Variants in TM6SF2 observed in about 807,000 individuals in gnomAD.
TM6SF2 encodes transmembrane 6 superfamily member 2.
A neutral mutation model predicts 41.0 loss-of-function variants in TM6SF2; 29 were observed. The observed-to-expected ratio is 0.71, with a 90% confidence interval of 0.53 to 0.96. The LOEUF is 0.96. TM6SF2 is among the 50% of genes least tolerant of loss of function. The pLI, the probability that TM6SF2 is intolerant of heterozygous loss-of-function variation, is 0.00. For synonymous variants in TM6SF2, 200 were observed against 209.1 expected, an observed-to-expected ratio of 0.96 and a Z score of 0.37; for missense variants, 475 against 499.0, an observed-to-expected ratio of 0.95 and a Z score of 0.46.
At chr19:19,273,093 G>T in intron 1 of TM6SF2, 28 bp downstream of exon 1, 1 of 362,550 alleles carries the variant, frequency 2.8e-6, no homozygotes, top group Non-Finnish European at 4.0e-6. Context: ...CTGTCCCCAA[G>T]GCCGCCCTGG....
intron 1 of TM6SF2, 114 bp downstream of exon 1, chr19:19,273,007 C>G (rs2061029867): frequency 1.2e-6 from 1 of 844,388 alleles, no homozygotes; most frequent in African/African-American, 1.8e-5. Flanking sequence ...GCGCAGGGCT[C>G]GCAGAAGCCA....
At chr19:19,267,747 C>T (rs777369177) in intron 7 of TM6SF2, 34 bp from the exon 8 acceptor site, 5 of 1,596,194 alleles carry the variant, frequency 3.1e-6, no homozygotes, top group Non-Finnish European at 4.3e-6. Flanking sequence ...AACCCTCAGA[C>T]ATACCTCCCA....
chr19:19,264,863 G>A lies in TM6SF2; in HGVS notation c.935C>T (p.Ser312Leu), dbSNP rs745753117. Residue 312 changes from serine to leucine, a missense_variant, in exon 10 of 10, where the codon TCG becomes TTG. Ser to Leu is a moderately radical substitution (Grantham distance 145, BLOSUM62 -2). This residue lies in a region of TM6SF2 where 190 missense variants were observed against 190.2 expected (regional missense o/e 1.00). Coordinates refer to ENST00000389363, the MANE Select transcript of TM6SF2 (RefSeq NM_001001524.3). ...CAGGTGCATGGAAGCCCCCATGTGC[G>A]AGAACTGTGCCTGGTAGCCAGACAG... ...FAGGIGQAQF[S>L]HMGASMHLRT... 13 of 1,567,270 alleles carry A rather than the reference G, an allele frequency of 8.3e-6. No homozygotes were observed. The highest frequency in any genetic ancestry group is 1.4e-5 in the African/African-American group (1 of 72,582).
At chr19:19,270,311 G>A in intron 3 of TM6SF2, 34 bp downstream of exon 3, 1 of 1,614,148 alleles carries the variant, frequency 6.2e-7, no homozygotes, top group Non-Finnish European at 8.5e-7. Context: ...GACGGGCAGT[G>A]CGGTAGGGGG....
chr19:19,268,184 CT>C (rs1172849541), intron 6 of TM6SF2, 97 bp from the exon 7 acceptor site: 15 of 711,488 alleles, frequency 2.1e-5, no homozygotes, highest in Non-Finnish European at 3.1e-5. Flanking sequence ...TCCCTTCTTT[CT>C]TTTTTTCTTT....
At chr19:19,266,328 G>T (rs2061002817) in intron 9 of TM6SF2, among the ~76,000 whole-genome samples, 162 bp downstream of exon 9, 1 of 152,090 alleles carries the variant, frequency 6.6e-6, no homozygotes, top group Non-Finnish European at 1.5e-5. Context: ...TCTGTATCTG[G>T]CTTTGTCTCC....
intron 4 of TM6SF2, 140 bp from the exon 5 acceptor site, chr19:19,269,909 T>G: frequency 6.5e-7 from 1 of 1,535,384 alleles, no homozygotes; most frequent in South Asian, 1.3e-5. Context: ...CAACAGGGAG[T>G]TGAACGGGGA....
At position 19,268,672 on chromosome 19, in the gene TM6SF2, G is replaced by C. The variant is rs773047703; in HGVS notation, c.567C>G (p.Val189=). ...GGGTTAGCGCCCGGGGCTGGCTGAAGACCTTCATGCCAGCCCAGCATGGCA... is the reference window on the plus strand; with the variant it reads ...GGGTTAGCGCCCGGGGCTGGCTGAACACCTTCATGCCAGCCCAGCATGGCA... The part of the protein sequence containing the change: ...LLVPCWAGMK[V]FSQPRALTRC... Residue 189 remains valine, a synonymous_variant, in exon 6 of 10, where the codon GTC becomes GTG. Transcript: ENST00000389363. 29 of 1,589,674 alleles carry C rather than the reference G, an allele frequency of 1.8e-5. 1 individual carries two copies. In the East Asian group the frequency reaches 3.0e-4, roughly 16 times the overall value.
intron 8 of TM6SF2, among the ~76,000 whole-genome samples, chr19:19,267,367 TAA>T (rs764335067): frequency 0.21 from 24,362 of 116,604 alleles, 2,478 homozygotes; most frequent in Middle Eastern, 0.34. Flanking sequence ...AAACTCTGTT[TAA>T]AAAAAAAAAA....
intron 6 of TM6SF2, 115 bp from the exon 7 acceptor site, chr19:19,268,202 T>A: frequency 1.4e-6 from 1 of 704,918 alleles, no homozygotes; most frequent in Non-Finnish European, 2.3e-6. Flanking sequence ...CTTTTTTTTC[T>A]TTTTTCTTTT....
intron 6 of TM6SF2, 76 bp downstream of exon 6, chr19:19,268,554 T>G: frequency 6.7e-7 from 1 of 1,494,232 alleles, no homozygotes; most frequent in Non-Finnish European, 8.9e-7. Flanking sequence ...AGAAATTAAG[T>G]CTTTGACCAA....
intron 9 of TM6SF2, 62 bp downstream of exon 9, chr19:19,266,428 A>T: frequency 6.2e-7 from 1 of 1,600,730 alleles, no homozygotes. Flanking sequence ...CACCAAAGGC[A>T]TTGATGAGTA....
At chr19:19,270,058 G>C (rs761122285) in intron 4 of TM6SF2, 115 bp downstream of exon 4, 2 of 1,549,262 alleles carry the variant, frequency 1.3e-6, no homozygotes, top group Admixed American at 3.9e-5. Flanking sequence ...GAGCCCTAGA[G>C]AGGCGTCCTG....
chr19:19,265,403 T>TATCTATCTATCTATCC (rs1196058953), intron 9 of TM6SF2, among the ~76,000 whole-genome samples: 1 of 130,076 alleles, frequency 7.7e-6, no homozygotes, highest in Non-Finnish European at 1.6e-5. Context: ...TCTATCTATC[T>TATCTATCTATCTATCC]ATCCATCCAT....
At position 19,268,732 on chromosome 19, in the gene TM6SF2, C is replaced by T. The variant is rs1304101529; in HGVS notation, c.507G>A (p.Arg169=). Residue 169 remains arginine (R), a synonymous_variant, in exon 6 of 10, where the codon AGG becomes AGA. Coordinates refer to ENST00000389363, the MANE Select transcript of TM6SF2 (RefSeq NM_001001524.3). ...NILGKYSSEI[R]PAFFLTIPYL... ...AGGGGATGGTGAGGAAGAAGGCAGG[C>T]CTGATCTCGGAGCTGTATTTGCCTT... 1 of 1,605,418 alleles carries T rather than the reference C, an allele frequency of 6.2e-7. No homozygotes were observed. Among genetic ancestry groups the T allele is most frequent in the East Asian group, 2.3e-5 (1 of 44,090 alleles).
intron 8 of TM6SF2, among the ~76,000 whole-genome samples, chr19:19,266,883 A>C (rs1259383750): frequency 6.6e-6 from 1 of 152,186 alleles, no homozygotes; most frequent in Non-Finnish European, 1.5e-5. Flanking sequence ...CATGATGCTC[A>C]GTAAGGGATG....
rs2061009742 is a variant in TM6SF2 at position 19,268,071 on chromosome 19, CT to C, written c.625del (p.Arg209GlufsTer62). 1 of 1,613,732 alleles carries C rather than the reference CT, an allele frequency of 6.2e-7. No individual in the cohort carries two copies. Among genetic ancestry groups the C allele is most frequent in the Non-Finnish European group, 8.5e-7 (1 of 1,179,864 alleles). On this transcript the variant is annotated frameshift_variant, in exon 7 of 10. Transcript: ENST00000389363. LOFTEE classifies it high-confidence loss of function. The part of the protein sequence containing the change: ...CTANMVQEEQ[R>X]KGLLQRPADL... ...AGCCGGACGCTGCAGGAGTCCCTTT[CT>C]TTGTTCCTCTTGCACCTGGCCCAGG...
rs368169036 is a variant in TM6SF2, at chr19:19,268,773, G to A, written c.485-19C>T. 1.3e-6 allele frequency: 2 copies of A among 1,576,372 alleles called. No individual in the cohort carries two copies. Among genetic ancestry groups the A allele is most frequent in the Admixed American group, 3.9e-5 (2 of 51,854 alleles). On this transcript the variant is annotated intron_variant, in intron 5 of 9. Transcript: ENST00000389363. ...TATTTGCCTTCCATGGTGCAGGAGAGAGGGCATCAGCCATGCCAGAACCCT... is the reference window on the plus strand; with the variant it reads ...TATTTGCCTTCCATGGTGCAGGAGAAAGGGCATCAGCCATGCCAGAACCCT...
Position 19,273,277 on chromosome 19 carries a change from T to C in TM6SF2, c.-62A>G, listed in dbSNP as rs1454494484. On this transcript the variant is annotated 5_prime_UTR_variant, in exon 1 of 10. Coordinates refer to ENST00000389363, the MANE Select transcript of TM6SF2 (RefSeq NM_001001524.3). ...GTTCTCCAGGGCGCTCGGCTCCTCG[T>C]TGGCGGCGAGTCCGGGCCGAGGCTG... is the stretch of plus-strand genomic sequence containing the variant. 12 of 1,244,488 alleles carry C rather than the reference T, an allele frequency of 9.6e-6. No homozygotes were observed. Among genetic ancestry groups the C allele is most frequent in the African/African-American group, 3.1e-5 (2 of 63,766 alleles). The allele number at this position is 1,244,488 out of a possible 1,614,324, so 77.1% of individuals were successfully genotyped here.
Sources: allele counts gnomAD v4.1 joint callset (sites outside exome capture counted in the v4.1 genomes callset), GRCh38; gene constraint gnomAD v4.1.1; regional missense constraint gnomAD v4.1.1; transcripts MANE v1.5; gene names NCBI Gene and HGNC (gene_info 2026-07-23, HGNC 2026-07-21).